The following RYR3 variants were observed in gnomAD, a reference collection of about 807,000 sequenced individuals.
RYR3 encodes ryanodine receptor 3, also known as brain ryanodine receptor-calcium release channel.
A neutral mutation model predicts 584.3 loss-of-function variants in RYR3; 207 were observed. That is an observed-to-expected ratio of 0.35 (90% confidence interval 0.32 to 0.40). RYR3 has a LOEUF of 0.40. Among genes scored for constraint, RYR3 ranks in the 10% least tolerant of loss-of-function variants. RYR3 has a pLI of 1.00. For missense variants in RYR3, 5,616 were observed against 6,089.2 expected (o/e 0.92, Z 2.59); for synonymous variants, 2,416 against 2,248.5 (o/e 1.07, Z -2.11).
At chr15:33,651,083 C>T (rs1023237749) in intron 31 of RYR3, among the ~76,000 whole-genome samples, 9 of 152,218 alleles carry the variant, frequency 5.9e-5, no homozygotes, top group Non-Finnish European at 7.3e-5. Context: ...ATCTGAGCCT[C>T]AGTGGCCATA....
intron 39 of RYR3, among the ~76,000 whole-genome samples, chr15:33,697,106 A>G (rs1483890176): frequency 6.6e-6 from 1 of 152,220 alleles, no homozygotes; most frequent in Non-Finnish European, 1.5e-5. Flanking sequence ...TTACTTTATT[A>G]GAATCAAGAA....
intron 102 of RYR3, among the ~76,000 whole-genome samples, chr15:33,863,219 G>C (rs1356283409): frequency 6.6e-6 from 1 of 152,174 alleles, no homozygotes; most frequent in African/African-American, 2.4e-5. Flanking sequence ...ATGGTGCTTT[G>C]TTAAATAAAT....
intron 3 of RYR3, among the ~76,000 whole-genome samples, chr15:33,509,900 C>T (rs1285147233): frequency 2.0e-5 from 3 of 152,204 alleles, no homozygotes; most frequent in African/African-American, 7.2e-5. Context: ...GATATCACAT[C>T]ATTAAATTTT....
intron 1 of RYR3, among the ~76,000 whole-genome samples, chr15:33,337,281 CAAAG>C (rs1237350275): frequency 1.3e-5 from 2 of 151,854 alleles, no homozygotes; most frequent in Non-Finnish European, 2.9e-5. Flanking sequence ...AACTGACTCA[CAAAG>C]AAGAAGACAA....
chr15:33,445,767 AT>A (rs200932030), intron 1 of RYR3, among the ~76,000 whole-genome samples: 12 of 145,364 alleles, frequency 8.3e-5, no homozygotes, highest in East Asian at 2.0e-4. Context: ...TCAATGGTTT[AT>A]TTTTTTTTTA....
chr15:33,748,056 G>A, intron 53 of RYR3, 58 bp from the exon 54 acceptor site: 3 of 1,565,544 alleles, frequency 1.9e-6, no homozygotes, highest in Non-Finnish European at 8.8e-7. Context: ...GCGGAGATGG[G>A]CCAGGGAGAA....
intron 2 of RYR3, among the ~76,000 whole-genome samples, chr15:33,481,259 A>G (rs905569801): frequency 6.6e-6 from 1 of 151,962 alleles, no homozygotes; most frequent in African/African-American, 2.4e-5. Context: ...TTCCTACCCC[A>G]TTTTACAATC....
intron 1 of RYR3, among the ~76,000 whole-genome samples, chr15:33,369,319 A>G (rs1404829826): frequency 6.6e-6 from 1 of 152,116 alleles, no homozygotes; most frequent in East Asian, 1.9e-4. Context: ...CCAGCCATTC[A>G]GCTGTCCACA....
At chr15:33,859,255 A>G (rs1206254282) in intron 99 of RYR3, among the ~76,000 whole-genome samples, 1 of 152,242 alleles carries the variant, frequency 6.6e-6, no homozygotes, top group Non-Finnish European at 1.5e-5. Flanking sequence ...TTAAAATTAA[A>G]TGAGGAAAAA....
intron 15 of RYR3, among the ~76,000 whole-genome samples, chr15:33,584,988 C>A (rs611761): frequency 6.6e-6 from 1 of 151,914 alleles, no homozygotes; most frequent in African/African-American, 2.4e-5. Flanking sequence ...ATAGTCCTCC[C>A]TCATGACTTA....
At chr15:33,679,889 A>G (rs1274315535) in intron 38 of RYR3, among the ~76,000 whole-genome samples, 2 of 152,348 alleles carry the variant, frequency 1.3e-5, no homozygotes, top group South Asian at 2.1e-4. Context: ...ATGGTTTATT[A>G]AAAGAGCATC....
intron 19 of RYR3, among the ~76,000 whole-genome samples, chr15:33,617,136 C>T (rs759961463): frequency 8.5e-5 from 13 of 152,132 alleles, no homozygotes; most frequent in Non-Finnish European, 1.5e-4. Context: ...ATGTATTGGT[C>T]GGGCGTGGTG....
At chr15:33,772,976 C>A (rs757594981) in intron 63 of RYR3, among the ~76,000 whole-genome samples, 13 of 152,182 alleles carry the variant, frequency 8.5e-5, no homozygotes, top group Non-Finnish European at 1.6e-4. Context: ...GCAAAACATG[C>A]CCTTCCCCTA....
intron 31 of RYR3, among the ~76,000 whole-genome samples, chr15:33,651,819 A>G (rs1044556170): frequency 2.0e-5 from 3 of 152,180 alleles, no homozygotes; most frequent in Non-Finnish European, 2.9e-5. Context: ...GAGAAAAGTC[A>G]TGTCATGTCA....
chr15:33,782,790 C>A (rs949177500), intron 65 of RYR3, among the ~76,000 whole-genome samples: 4 of 152,202 alleles, frequency 2.6e-5, no homozygotes, highest in South Asian at 2.1e-4. Context: ...AGATTAGTAT[C>A]TTTGATGCCC....
chr15:33,849,133 G>C (rs1292400602), intron 94 of RYR3: 2 of 152,362 alleles, frequency 1.3e-5, no homozygotes, highest in Admixed American at 1.3e-4. Context: ...ACCACGCCCG[G>C]CCTGAAGTCC....
In RYR3 at chr15:33,579,984, A is replaced by G. The variant is rs146838868; in HGVS notation, c.1277A>G (p.Asn426Ser). ...AATCTCATGGTTTTTAGCGGAAACA[A>G]TCGCACAGCTGCCCCCATCACCCTG... ...ALFSQFVSGNNRTAAPITLPI... is the reference protein window; with the variant it reads ...ALFSQFVSGNSRTAAPITLPI... Residue 426 changes from asparagine to serine, a missense_variant, in exon 13 of 104, where the codon AAT (asparagine) becomes AGT (serine). Asn to Ser is a conservative substitution (Grantham distance 46, BLOSUM62 1). Around this residue, in one of 9 missense-constraint regions of RYR3, gnomAD observed 1,284 missense variants for 1,344.6 expected, o/e 0.95. Transcript: ENST00000634891. The G allele has an allele frequency of 1.4e-3, 2,232 of 1,608,642 alleles. 23 individuals carry two copies. The highest frequency in any genetic ancestry group is 0.011 in the East Asian group (501 of 44,700).
At chr15:33,776,608 C>A (rs2074007871) in intron 64 of RYR3, among the ~76,000 whole-genome samples, 1 of 152,208 alleles carries the variant, frequency 6.6e-6, no homozygotes, top group South Asian at 2.1e-4. Flanking sequence ...TCTAAGGTCA[C>A]CATCACTGCT....
chr15:33,615,152 G>C (rs562019068), intron 19 of RYR3, among the ~76,000 whole-genome samples: 1 of 152,270 alleles, frequency 6.6e-6, no homozygotes, highest in Admixed American at 6.5e-5. Flanking sequence ...CAGGAGACTG[G>C]AGTCAACATA....
Sources: gnomAD v4.1 joint callset for allele counts (sites outside exome capture counted in the v4.1 genomes callset) on GRCh38, gnomAD v4.1.1 for gene constraint, gnomAD v4.1.1 regional missense constraint, MANE v1.5 for transcripts, NCBI Gene and HGNC (gene_info 2026-07-23, HGNC 2026-07-21) for gene names.